FSTL4: variants seen among roughly 807,000 people sequenced by gnomAD.
The protein encoded by FSTL4 is follistatin like 4.
A neutral mutation model predicts 78.2 loss-of-function variants in FSTL4; 28 were observed. The ratio of observed to expected loss-of-function variants is 0.36; its 90% CI spans 0.27 to 0.49. The LOEUF is 0.49. FSTL4 is among the 20% of genes least tolerant of loss of function. The pLI is 0.98. For synonymous variants in FSTL4, 422 were observed against 440.5 expected (o/e 0.96, Z 0.53); for missense variants, 922 against 1,084.9 (o/e 0.85, Z 2.11).
chr5:133,286,005 C>G (rs916488633), intron 6 of FSTL4, among the ~76,000 whole-genome samples: 1 of 152,238 alleles, frequency 6.6e-6, no homozygotes, highest in Non-Finnish European at 1.5e-5. Flanking sequence ...CAAGCCCTGT[C>G]CTGGGTGCCT....
the FSTL4 span, among the ~76,000 whole-genome samples, chr5:133,697,930 C>G: frequency 6.6e-6 from 1 of 152,186 alleles, no homozygotes. Context: ...AAAGATAGCT[C>G]CCATAGATGA....
Position 133,526,241 on chromosome 5 carries a change from C to T in FSTL4, c.160+40945G>A, listed in dbSNP as rs141604428. Among the ~76,000 whole-genome samples, 612 of 152,200 alleles carry T rather than the reference C, an allele frequency of 4.0e-3. 7 individuals carry two copies. The highest frequency in any genetic ancestry group is 0.014 in the African/African-American group (573 of 41,532). On this transcript the variant is annotated intron_variant, in intron 3 of 15. Coordinates refer to ENST00000265342, the MANE Select transcript of FSTL4 (RefSeq NM_015082.2). ...GGCTATTTTTATTCTCTTCACTATA[C>T]AGCTGGGGAGATGAAGCAATTCATG...
chr5:133,816,868 G>GCCTA, the FSTL4 span, among the ~76,000 whole-genome samples: 1 of 152,208 alleles, frequency 6.6e-6, no homozygotes, highest in African/African-American at 2.4e-5. Context: ...CCCAGGGAGG[G>GCCTA]CCTAGCCTCT....
At chr5:133,801,730 G>A in the FSTL4 span, among the ~76,000 whole-genome samples, 4 of 152,372 alleles carry the variant, frequency 2.6e-5, no homozygotes, top group East Asian at 5.8e-4. Context: ...GGGCTGAAGA[G>A]ACAAGAGGAG....
chr5:133,285,780 C>A (rs1753113667), intron 6 of FSTL4, among the ~76,000 whole-genome samples: 1 of 152,232 alleles, frequency 6.6e-6, no homozygotes, highest in Non-Finnish European at 1.5e-5. Flanking sequence ...CTGCACCCAG[C>A]TCAGCACCAC....
chr5:133,739,119 AT>A, the FSTL4 span, among the ~76,000 whole-genome samples: 18 of 151,828 alleles, frequency 1.2e-4, no homozygotes, highest in Admixed American at 1.2e-3. Context: ...AGCACCTATG[AT>A]TTTTTTTACT....
intron 3 of FSTL4, among the ~76,000 whole-genome samples, chr5:133,405,704 C>T (rs1232230732): frequency 1.3e-5 from 2 of 152,226 alleles, no homozygotes; most frequent in Admixed American, 6.5e-5. Flanking sequence ...CAAGGTGGTC[C>T]AGGGACAGAG....
At chr5:133,715,082 A>C in the FSTL4 span, among the ~76,000 whole-genome samples, 7 of 152,324 alleles carry the variant, frequency 4.6e-5, no homozygotes, top group East Asian at 1.3e-3. Context: ...TAAATATGAA[A>C]ATTTTGTCCT....
At chr5:133,273,205 A>G (rs1581584731) in intron 6 of FSTL4, among the ~76,000 whole-genome samples, 2 of 152,286 alleles carry the variant, frequency 1.3e-5, no homozygotes, top group East Asian at 3.8e-4. Context: ...GCCAAGTAAA[A>G]AGAAGAAACA....
intron 3 of FSTL4, among the ~76,000 whole-genome samples, chr5:133,492,116 A>C (rs956468720): frequency 6.6e-6 from 1 of 152,148 alleles, no homozygotes; most frequent in Non-Finnish European, 1.5e-5. Context: ...TAAATTTTCA[A>C]TATACATTCT....
chr5:133,626,480 G>T, the FSTL4 span, among the ~76,000 whole-genome samples: 24 of 148,870 alleles, frequency 1.6e-4, no homozygotes, highest in Admixed American at 1.6e-3. Flanking sequence ...TTGGATTACA[G>T]GTGCGAACCA....
At chr5:133,415,376 T>C (rs576746964) in intron 3 of FSTL4, among the ~76,000 whole-genome samples, 1 of 152,346 alleles carries the variant, frequency 6.6e-6, no homozygotes, top group African/African-American at 2.4e-5. Flanking sequence ...TCAGTCTTAC[T>C]TATGGTGGCA....
the FSTL4 span, among the ~76,000 whole-genome samples, chr5:133,777,215 A>ATG: frequency 2.8e-5 from 1 of 35,462 alleles, no homozygotes; most frequent in Non-Finnish European, 5.8e-5. Context: ...TATTAAAGAT[A>ATG]TGTATATATA....
At chr5:133,458,000 A>G (rs1230494582) in intron 3 of FSTL4, 2 of 152,236 alleles carry the variant, frequency 1.3e-5, no homozygotes, top group African/African-American at 4.8e-5. Context: ...ATTCATTCCC[A>G]TAGCCTGGCC....
At chr5:133,229,085 G>T (rs1393615100) in intron 8 of FSTL4, among the ~76,000 whole-genome samples, 2 of 152,174 alleles carry the variant, frequency 1.3e-5, no homozygotes, top group Non-Finnish European at 2.9e-5. Flanking sequence ...GGAACTCAAT[G>T]AAGAAAACAA....
chr5:133,802,000 T>TCAAGGGAGCCTC, the FSTL4 span, among the ~76,000 whole-genome samples: 1 of 150,304 alleles, frequency 6.7e-6, no homozygotes, highest in Non-Finnish European at 1.5e-5. Context: ...TGTGCCCTTC[T>TCAAGGGAGCCTC]CAAGGGAGCC....
the FSTL4 span, among the ~76,000 whole-genome samples, chr5:133,799,650 T>C: frequency 7.2e-6 from 1 of 138,186 alleles, no homozygotes; most frequent in Non-Finnish European, 1.6e-5. Flanking sequence ...CAGGAGATGG[T>C]TGTGTGCTAT....
At chr5:133,720,209 G>T in the FSTL4 span, among the ~76,000 whole-genome samples, 1 of 152,170 alleles carries the variant, frequency 6.6e-6, no homozygotes, top group African/African-American at 2.4e-5. Flanking sequence ...TTCTCATTTT[G>T]TATCAAGGAG....
At chr5:133,756,961 C>T in the FSTL4 span, among the ~76,000 whole-genome samples, 1 of 152,176 alleles carries the variant, frequency 6.6e-6, no homozygotes, top group Non-Finnish European at 1.5e-5. Flanking sequence ...AGACAATGGT[C>T]TCATGTGAAG....
Sources: allele counts gnomAD v4.1 joint callset (sites outside exome capture counted in the v4.1 genomes callset), GRCh38; gene constraint gnomAD v4.1.1; transcripts MANE v1.5; gene names NCBI Gene and HGNC (gene_info 2026-07-23, HGNC 2026-07-21).